Variants in XIRP2 observed in about 807,000 individuals in gnomAD.
XIRP2 encodes the protein xin actin binding repeat containing 2.
Under a neutral mutation model 277.0 loss-of-function variants are expected in XIRP2, and 236 were observed. The observed-to-expected ratio is 0.85, with a 90% CI of 0.77 to 0.95. The LOEUF is 0.95. Ranked by LOEUF, XIRP2 falls within the 40% of genes least tolerant of loss-of-function variation. The probability of loss-of-function intolerance (pLI) is 0.00; values close to 1 mark genes in which losing one functional copy is unlikely to be tolerated. For missense variants in XIRP2, 4,640 were observed against 4,157.5 expected (o/e 1.12, Z -3.19); for synonymous variants, 1,490 against 1,416.5 (o/e 1.05, Z -1.17).
chr2:167,235,390 G>A (rs895120362), intron 5 of XIRP2, among the ~76,000 whole-genome samples: 1 of 151,648 alleles, frequency 6.6e-6, no homozygotes, highest in African/African-American at 2.4e-5. Flanking sequence ...GGAAGAATTT[G>A]GAATCTCAAT....
At chr2:167,116,131 G>A (rs995714) in intron 2 of XIRP2, among the ~76,000 whole-genome samples, 4,618 of 152,180 alleles carry the variant, frequency 0.03, 78 homozygotes, top group East Asian at 0.05. Context: ...GAGATGTTCT[G>A]TAAATATTAA....
chr2:167,236,488 C>G (rs1457697599), intron 5 of XIRP2, among the ~76,000 whole-genome samples: 1 of 152,008 alleles, frequency 6.6e-6, no homozygotes, highest in Non-Finnish European at 1.5e-5. Context: ...GTGAGCTATG[C>G]AAACACCATA....
Position 166,899,931 on chromosome 2 carries a change from A to G in XIRP2, c.-18-3534A>G, listed in dbSNP as rs146427599. 3.4e-3 allele frequency among the ~76,000 whole-genome samples: 515 copies of G among 152,078 alleles called. 6 individuals carry two copies. The highest frequency in any genetic ancestry group is 0.012 in the African/African-American group (493 of 41,518). On this transcript the variant is annotated intron_variant, in intron 1 of 10. Transcript: ENST00000409195. ...CTATTGTCTTTGTTTCCCACCTTCT[A>G]CAATTGGAATAAAACTGGGAGTAGC...
chr2:167,081,253 G>A (rs1234092611), intron 2 of XIRP2, among the ~76,000 whole-genome samples: 1 of 152,030 alleles, frequency 6.6e-6, no homozygotes, highest in East Asian at 1.9e-4. Context: ...ATCACTTGAG[G>A]CTGGGATTTT....
chr2:167,004,004 T>A (rs1036885520), intron 2 of XIRP2, among the ~76,000 whole-genome samples: 1 of 151,942 alleles, frequency 6.6e-6, no homozygotes, highest in Non-Finnish European at 1.5e-5. Context: ...TTCTGGTTAA[T>A]GCAGGAAATA....
At chr2:167,201,250 G>GAA (rs779665629) in intron 3 of XIRP2, among the ~76,000 whole-genome samples, 4 of 92,814 alleles carry the variant, frequency 4.3e-5, no homozygotes, top group African/African-American at 3.2e-4. Flanking sequence ...AAGAAAGAAA[G>GAA]AAAGAAAGAA....
intron 2 of XIRP2, among the ~76,000 whole-genome samples, chr2:167,016,392 A>G (rs1020422974): frequency 3.3e-5 from 5 of 151,928 alleles, no homozygotes; most frequent in African/African-American, 9.7e-5. Context: ...AATCTTACAC[A>G]GAAGTCTCCT....
intron 3 of XIRP2, among the ~76,000 whole-genome samples, chr2:167,137,939 G>T (rs1359859414): frequency 1.3e-5 from 2 of 152,156 alleles, no homozygotes; most frequent in Non-Finnish European, 2.9e-5. Context: ...GTTGGGACAA[G>T]AATGAACTAT....
intron 2 of XIRP2, among the ~76,000 whole-genome samples, chr2:167,107,482 A>G (rs1690645561): frequency 6.6e-6 from 1 of 151,740 alleles, no homozygotes; most frequent in African/African-American, 2.4e-5. Flanking sequence ...TCTTTTATGT[A>G]TTAATATGAT....
intron 2 of XIRP2, among the ~76,000 whole-genome samples, chr2:166,974,087 T>G (rs1686649725): frequency 6.6e-6 from 1 of 152,142 alleles, no homozygotes; most frequent in African/African-American, 2.4e-5. Context: ...AGGCAAACAC[T>G]GGGTGATAGG....
At chr2:167,170,007 A>G (rs1692637612) in intron 3 of XIRP2, among the ~76,000 whole-genome samples, 1 of 152,240 alleles carries the variant, frequency 6.6e-6, no homozygotes, top group East Asian at 1.9e-4. Context: ...TAGAAAAAGC[A>G]TTCATTTTAT....
At chr2:166,894,422 A>G (rs1684187619) in intron 1 of XIRP2, among the ~76,000 whole-genome samples, 1 of 152,098 alleles carries the variant, frequency 6.6e-6, no homozygotes, top group Admixed American at 6.6e-5. Flanking sequence ...TCCTTTCTTG[A>G]GTCCATGTAA....
intron 2 of XIRP2, among the ~76,000 whole-genome samples, chr2:167,115,777 A>G (rs143229031): frequency 5.0e-4 from 76 of 152,316 alleles, no homozygotes; most frequent in African/African-American, 1.8e-3. Context: ...CTGGGGAAAC[A>G]CAGGGCTGTG....
intron 2 of XIRP2, among the ~76,000 whole-genome samples, chr2:167,049,347 A>G (rs1189915269): frequency 6.6e-6 from 1 of 151,838 alleles, no homozygotes; most frequent in Non-Finnish European, 1.5e-5. Flanking sequence ...TTGAAAGCCA[A>G]TATTATATAT....
intron 2 of XIRP2, among the ~76,000 whole-genome samples, chr2:167,065,591 T>A (rs899394661): frequency 6.6e-6 from 1 of 151,886 alleles, no homozygotes; most frequent in Non-Finnish European, 1.5e-5. Context: ...AAGAAGTTAT[T>A]GCTAAATCCA....
chr2:167,143,646 T>C (rs1304192170), intron 3 of XIRP2, among the ~76,000 whole-genome samples: 2 of 152,138 alleles, frequency 1.3e-5, no homozygotes, highest in African/African-American at 4.8e-5. Flanking sequence ...TTAATTAGAC[T>C]CAGCTGCCAG....
At chr2:166,977,802 A>C (rs893281916) in intron 2 of XIRP2, among the ~76,000 whole-genome samples, 1 of 152,212 alleles carries the variant, frequency 6.6e-6, no homozygotes, top group South Asian at 2.1e-4. Context: ...TACAGAAGAT[A>C]GCAATTTTCA....
At chr2:166,908,459 G>A (rs1684593510) in intron 2 of XIRP2, among the ~76,000 whole-genome samples, 1 of 152,014 alleles carries the variant, frequency 6.6e-6, no homozygotes, top group Non-Finnish European at 1.5e-5. Context: ...TTTTGATGGG[G>A]TTGTTTGTTT....
intron 2 of XIRP2, among the ~76,000 whole-genome samples, chr2:167,058,156 T>C (rs1396480869): frequency 6.6e-6 from 1 of 151,750 alleles, no homozygotes; most frequent in African/African-American, 2.4e-5. Flanking sequence ...TCCACCTCCC[T>C]GGCTCAAGTG....
Sources: allele counts gnomAD v4.1 joint callset (sites outside exome capture counted in the v4.1 genomes callset), GRCh38; gene constraint gnomAD v4.1.1; transcripts MANE v1.5; gene names NCBI Gene and HGNC (gene_info 2026-07-23, HGNC 2026-07-21).